Variants in KIAA0319 observed in about 807,000 individuals in gnomAD.
KIAA0319 encodes the protein dyslexia-associated protein KIAA0319.
KIAA0319 carries 83 observed loss-of-function variants against 108.4 expected under a neutral mutation model. That is an observed-to-expected ratio of 0.77 (90% CI 0.64 to 0.92). The LOEUF (loss-of-function observed/expected upper bound fraction) is 0.92, where lower values mean the gene tolerates loss of function less well. Ranked by LOEUF, KIAA0319 falls within the 40% of genes least tolerant of loss-of-function variation. The probability of loss-of-function intolerance (pLI) is 0.00; values close to 1 mark genes in which losing one functional copy is unlikely to be tolerated. For missense variants in KIAA0319, 1,195 were observed against 1,322.4 expected (o/e 0.90, Z 1.49); for synonymous variants, 484 against 510.4 (o/e 0.95, Z 0.70).
intron 1 of KIAA0319, among the ~76,000 whole-genome samples, chr6:24,629,514 C>CAA (rs397974257): frequency 1.9e-4 from 8 of 42,394 alleles, no homozygotes; most frequent in African/African-American, 5.5e-4. Flanking sequence ...GACTCTGTCT[C>CAA]AAAAAAAAAA....
chr6:24,642,191 A>AGAGC (rs2127602270), intron 1 of KIAA0319, among the ~76,000 whole-genome samples: 1 of 145,726 alleles, frequency 6.9e-6, no homozygotes, highest in South Asian at 2.2e-4. Flanking sequence ...AAAGAAAGAG[A>AGAGC]GAAAGAAAGA....
chr6:24,567,185 A>T (rs370554469), intron 13 of KIAA0319, among the ~76,000 whole-genome samples: 1 of 4,256 alleles, frequency 2.3e-4, no homozygotes, highest in African/African-American at 0.019. Context: ...TCTCTAAGAC[A>T]AAAAAAAAGA....
At chr6:24,604,544 T>C (rs575214021) in intron 1 of KIAA0319, among the ~76,000 whole-genome samples, 11 of 152,300 alleles carry the variant, frequency 7.2e-5, no homozygotes, top group African/African-American at 2.4e-4. Context: ...ATAAGCCAAA[T>C]TCCCAATCCC....
At chr6:24,578,770 AGAAATTTAGACCTG>A (rs1357662709) in intron 8 of KIAA0319, among the ~76,000 whole-genome samples, 1 of 152,248 alleles carries the variant, frequency 6.6e-6, no homozygotes, top group Admixed American at 6.5e-5. Context: ...GCAGATTCAT[AGAAATTTAGACCTG>A]GAAAGGGGCT....
chr6:24,565,677 C>T (rs558009794), intron 14 of KIAA0319, among the ~76,000 whole-genome samples: 5 of 138,632 alleles, frequency 3.6e-5, no homozygotes, highest in Non-Finnish European at 7.6e-5. Context: ...AGCTCGAACT[C>T]GGGCAGCGGA....
chr6:24,582,440 T>C (rs1252672889), intron 5 of KIAA0319, 94 bp from the exon 6 acceptor site: 6 of 729,038 alleles, frequency 8.2e-6, no homozygotes, highest in East Asian at 2.6e-5. Context: ...AAACCACCAG[T>C]GCAGATTACC....
Position 24,599,043 on chromosome 6 carries a change from G to A in KIAA0319, c.55+2006C>T. On this transcript the variant is annotated intron_variant, in intron 2 of 20. Transcript: ENST00000378214. The surrounding 1 kb of genome is among the most constrained non-coding windows in gnomAD (Gnocchi z 4.1). ...CTTCCTCAGGCAGCTGTATGAAGAGGAGATCCAGGAGCTGCAGTCCCAGAT... is the reference window on the plus strand; with the variant it reads ...CTTCCTCAGGCAGCTGTATGAAGAGAAGATCCAGGAGCTGCAGTCCCAGAT... The A allele has an allele frequency of 8.1e-6, 6 of 738,684 alleles. No individual in the cohort carries two copies. Among genetic ancestry groups the A allele is most frequent in the South Asian group, 5.8e-5 (4 of 69,156 alleles). The allele number at this position is 738,684 out of a possible 1,614,324, so 45.8% of individuals were successfully genotyped here. A position where few individuals can be genotyped will look rare whatever the true frequency, so the allele number is the denominator to read the frequency against.
In KIAA0319 at chr6:24,553,274, G is replaced by GATAT. The variant is rs72393319; in HGVS notation, c.2948+1263_2948+1266dup. Among the ~76,000 whole-genome samples the GATAT allele has an allele frequency of 2.9e-3, 299 of 101,884 alleles. 3 individuals carry two copies. Among genetic ancestry groups the GATAT allele is most frequent in the Middle Eastern group, 0.016 (3 of 186 alleles). 66.8% of individuals were successfully genotyped at this position (101,884 alleles called of 152,430 possible). The stretch of plus-strand genomic sequence containing the variant: ...AGGCCACTTAGGTACTTGTGAGATA[G>GATAT]ATATATATATATATATATATACACA... On this transcript the variant is annotated intron_variant, in intron 19 of 20. Coordinates refer to ENST00000378214, the MANE Select transcript of KIAA0319 (RefSeq NM_014809.4).
In KIAA0319 at chr6:24,583,714, T is replaced by C. The variant is rs1168828800; in HGVS notation, c.995-12A>G. 4.7e-6 allele frequency: 7 copies of C among 1,482,000 alleles called. No individual in the cohort carries two copies. The highest frequency in any genetic ancestry group is 6.6e-6 in the Non-Finnish European group (7 of 1,060,144). 91.8% of individuals were successfully genotyped at this position (1,482,000 alleles called of 1,614,324 possible). On this transcript the variant is annotated splice_polypyrimidine_tract_variant and intron_variant, in intron 4 of 20. Transcript: ENST00000378214. ...CGTAAGTTCTTTCACTAAAAGTTAATTAGAAATAATACGTGCAATTATATA... is the reference window on the plus strand; with the variant it reads ...CGTAAGTTCTTTCACTAAAAGTTAACTAGAAATAATACGTGCAATTATATA...
intron 1 of KIAA0319, among the ~76,000 whole-genome samples, chr6:24,604,778 A>C (rs986604671): frequency 6.6e-6 from 1 of 152,180 alleles, no homozygotes; most frequent in East Asian, 1.9e-4. Context: ...AGGCATATGG[A>C]CTAGATGTTA....
rs758478337 is a variant in KIAA0319 at position 24,585,067 on chromosome 6, G to A, written c.995-1365C>T. Among the ~76,000 whole-genome samples the A allele has an allele frequency of 3.9e-5, 6 of 152,216 alleles. No individual in the cohort carries two copies. In the South Asian group the frequency reaches 6.2e-4, roughly 16 times the overall value. ...AAAGCTCAGGAAACATGACCCTTAC[G>A]TCTAGCATATTCTAATAACTTCCTT... On this transcript the variant is annotated intron_variant, in intron 4 of 20. Transcript: ENST00000378214.
intron 7 of KIAA0319, among the ~76,000 whole-genome samples, chr6:24,580,670 T>C (rs1766368316): frequency 1.3e-5 from 2 of 152,020 alleles, no homozygotes. Flanking sequence ...AAATGTCAGA[T>C]AGAGAGGGCT....
chr6:24,579,639 G>A (rs807507), intron 8 of KIAA0319, among the ~76,000 whole-genome samples: 1 of 150,324 alleles, frequency 6.7e-6, no homozygotes, highest in Non-Finnish European at 1.5e-5. Context: ...ATGGCCAGGC[G>A]CTAAAGAACT....
intron 20 of KIAA0319, among the ~76,000 whole-genome samples, chr6:24,549,964 G>T (rs1761226471): frequency 6.6e-6 from 1 of 152,128 alleles, no homozygotes; most frequent in South Asian, 2.1e-4. Flanking sequence ...AATGTCAGAA[G>T]GATGAGTGTA....
intron 1 of KIAA0319, among the ~76,000 whole-genome samples, chr6:24,612,210 C>G (rs1206449814): frequency 1.3e-5 from 2 of 152,084 alleles, no homozygotes; most frequent in Non-Finnish European, 2.9e-5. Flanking sequence ...CCAATACTCT[C>G]AGAGGCCCAG....
intron 17 of KIAA0319, among the ~76,000 whole-genome samples, chr6:24,558,604 C>T (rs923181184): frequency 2.0e-5 from 3 of 152,152 alleles, no homozygotes; most frequent in Admixed American, 2.0e-4. Flanking sequence ...AGAAAAGAGG[C>T]ACACCTGGAG....
chr6:24,613,287 C>T (rs185530668), intron 1 of KIAA0319, among the ~76,000 whole-genome samples: 48 of 152,072 alleles, frequency 3.2e-4, no homozygotes, highest in African/African-American at 1.1e-3. Context: ...GGAGGATGAA[C>T]AGGGTGGGCA....
intron 3 of KIAA0319, among the ~76,000 whole-genome samples, chr6:24,593,634 C>T (rs113363910): frequency 0.066 from 9,921 of 151,208 alleles, 959 homozygotes; most frequent in East Asian, 0.43. Context: ...ATTTCCTGAC[C>T]TCGTGATCCA....
chr6:24,611,482 G>A (rs777549579), intron 1 of KIAA0319, among the ~76,000 whole-genome samples: 3 of 152,128 alleles, frequency 2.0e-5, no homozygotes, highest in Non-Finnish European at 4.4e-5. Flanking sequence ...CCGGGCGACA[G>A]AGAAAGACTC....
Sources: allele counts gnomAD v4.1 joint callset (sites outside exome capture counted in the v4.1 genomes callset), GRCh38; gene constraint gnomAD v4.1.1; non-coding constraint Gnocchi (gnomAD v3.1); transcripts MANE v1.5; gene names NCBI Gene and HGNC (gene_info 2026-07-23, HGNC 2026-07-21).